RBFOX1: variants seen among roughly 807,000 people sequenced by gnomAD.
RBFOX1 encodes the protein RNA binding fox-1 homolog 1.
A neutral mutation model predicts 57.7 loss-of-function variants in RBFOX1; 8 were observed. The observed-to-expected ratio is 0.14, with a 90% confidence interval of 0.08 to 0.25. The LOEUF is 0.25. Among genes scored for constraint, RBFOX1 ranks in the 10% least tolerant of loss-of-function variants. The pLI, the probability that RBFOX1 is intolerant of heterozygous loss-of-function variation, is 1.00. For missense variants in RBFOX1, 611 were observed against 548.5 expected, an observed-to-expected ratio of 1.11 and a Z score of -1.14; for synonymous variants, 326 against 222.4, an observed-to-expected ratio of 1.47 and a Z score of -4.15.
intron 2 of RBFOX1, among the ~76,000 whole-genome samples, chr16:6,646,515 G>C (rs577192412): frequency 1.3e-5 from 2 of 152,100 alleles, no homozygotes; most frequent in East Asian, 3.9e-4. Context: ...ATCTGCCTTT[G>C]GTTTATTGAT....
intron 3 of RBFOX1, among the ~76,000 whole-genome samples, chr16:5,691,875 T>C (rs2050691027): frequency 6.6e-6 from 1 of 152,114 alleles, no homozygotes; most frequent in Non-Finnish European, 1.5e-5. Context: ...CCCCATCCAG[T>C]TGGGATTCAA....
At chr16:6,934,421 C>G (rs937436708) in intron 3 of RBFOX1, among the ~76,000 whole-genome samples, 1 of 152,094 alleles carries the variant, frequency 6.6e-6, no homozygotes, top group African/African-American at 2.4e-5. Context: ...GGAGACCTGC[C>G]TTTACATGTT....
At chr16:6,967,935 C>T (rs1367145300) in intron 3 of RBFOX1, among the ~76,000 whole-genome samples, 2 of 152,196 alleles carry the variant, frequency 1.3e-5, no homozygotes, top group African/African-American at 2.4e-5. Context: ...TCAGCTGCCC[C>T]GGGTGCCAGA....
At chr16:5,521,646 A>G (rs2044020866) in intron 2 of RBFOX1, among the ~76,000 whole-genome samples, 1 of 144,964 alleles carries the variant, frequency 6.9e-6, no homozygotes. Flanking sequence ...ATGGACAAGA[A>G]ACTTGCCTCT....
intron 3 of RBFOX1, among the ~76,000 whole-genome samples, chr16:6,968,549 A>T (rs1186087946): frequency 6.6e-6 from 1 of 152,116 alleles, no homozygotes; most frequent in Non-Finnish European, 1.5e-5. Context: ...TAGAAGAGGA[A>T]GTCTGGCAGG....
intron 1 of RBFOX1, among the ~76,000 whole-genome samples, chr16:5,304,734 C>T (rs1394692904): frequency 6.6e-6 from 1 of 152,138 alleles, no homozygotes; most frequent in Non-Finnish European, 1.5e-5. Flanking sequence ...CTCCATCTAT[C>T]ATAACTGGTC....
In RBFOX1 at chr16:7,129,107, C is replaced by A. The variant is rs115360639; in HGVS notation, c.27+77009C>A. Among the ~76,000 whole-genome samples, 951 of 152,142 alleles carry A rather than the reference C, an allele frequency of 6.3e-3. 8 individuals are homozygous for A. The highest frequency in any genetic ancestry group is 0.022 in the African/African-American group (900 of 41,516). ...GTGCTGGGATTACAGGTGTGAGCCACGGCACGCAGTCATAAAGGTAATTAA... is the reference window on the plus strand; with the variant it reads ...GTGCTGGGATTACAGGTGTGAGCCAAGGCACGCAGTCATAAAGGTAATTAA... On this transcript the variant is annotated intron_variant, in intron 4 of 15. Coordinates refer to ENST00000550418, the MANE Select transcript of RBFOX1 (RefSeq NM_018723.4).
intron 2 of RBFOX1, among the ~76,000 whole-genome samples, chr16:6,431,903 TTCTTTCTTTC>T (rs2094104979): frequency 1.2e-5 from 1 of 82,186 alleles, no homozygotes. Context: ...CTTGCTTTCT[TTCTTTCTTTC>T]TTTCTTTCTT....
intron 3 of RBFOX1, among the ~76,000 whole-genome samples, chr16:6,876,690 C>A (rs888146056): frequency 6.6e-6 from 1 of 151,956 alleles, no homozygotes; most frequent in African/African-American, 2.4e-5. Context: ...TGGCTGGAAC[C>A]AAAGAAGTTG....
chr16:6,419,822 C>T (rs144559691), intron 2 of RBFOX1, among the ~76,000 whole-genome samples: 118 of 152,222 alleles, frequency 7.8e-4, no homozygotes, highest in African/African-American at 2.8e-3. Flanking sequence ...ACAAGCTGTG[C>T]GGGGTATAGG....
chr16:7,561,546 G>A (rs968458177), intron 5 of RBFOX1, among the ~76,000 whole-genome samples: 12 of 152,180 alleles, frequency 7.9e-5, no homozygotes, highest in African/African-American at 2.7e-4. Flanking sequence ...TATGTGACAG[G>A]ATTCTTTCAC....
chr16:7,578,882 T>C (rs2093536474), intron 5 of RBFOX1, among the ~76,000 whole-genome samples: 1 of 152,196 alleles, frequency 6.6e-6, no homozygotes, highest in African/African-American at 2.4e-5. Context: ...TTCCCCTCGT[T>C]CCTGCCAAAT....
At chr16:5,269,062 C>G (rs1481217586) in intron 1 of RBFOX1, among the ~76,000 whole-genome samples, 1 of 152,196 alleles carries the variant, frequency 6.6e-6, no homozygotes, top group Non-Finnish European at 1.5e-5. Context: ...TTATAGGCAC[C>G]TGCCACCATG....
chr16:6,917,205 A>G (rs557800437), intron 3 of RBFOX1, among the ~76,000 whole-genome samples: 3 of 152,164 alleles, frequency 2.0e-5, no homozygotes, highest in Non-Finnish European at 4.4e-5. Flanking sequence ...ATTTGTATTT[A>G]AAATAGAAAA....
intron 3 of RBFOX1, among the ~76,000 whole-genome samples, chr16:6,666,747 C>G (rs567839168): frequency 5.3e-5 from 8 of 152,102 alleles, no homozygotes; most frequent in African/African-American, 1.7e-4. Flanking sequence ...CGGTGACTTA[C>G]GAGAGTTATT....
At chr16:6,853,120 A>G (rs565269553) in intron 3 of RBFOX1, among the ~76,000 whole-genome samples, 2 of 152,150 alleles carry the variant, frequency 1.3e-5, no homozygotes, top group Admixed American at 6.5e-5. Context: ...CTACCTAATG[A>G]TTGTGCGAAC....
chr16:7,586,714 A>ACC (rs2094145429), intron 6 of RBFOX1, among the ~76,000 whole-genome samples: 1 of 152,198 alleles, frequency 6.6e-6, no homozygotes, highest in Non-Finnish European at 1.5e-5. Context: ...ACTGATCACA[A>ACC]CTGCTGATAC....
intron 3 of RBFOX1, among the ~76,000 whole-genome samples, chr16:7,045,021 G>T (rs943334408): frequency 6.6e-6 from 1 of 152,180 alleles, no homozygotes; most frequent in Non-Finnish European, 1.5e-5. Context: ...CTCATGATGG[G>T]ATTCTGCCGT....
At position 6,070,058 on chromosome 16, in the gene RBFOX1, A is replaced by G. The variant is rs1328540412; in HGVS notation, c.-127+50066A>G. On this transcript the variant is annotated intron_variant, in intron 1 of 15. Coordinates refer to ENST00000550418, the MANE Select transcript of RBFOX1 (RefSeq NM_018723.4). ...GAGTAAAATCTACTTTCATAATTCA[A>G]ATTCCATAGAATGGTTTTGTTTTTC... 3.3e-5 allele frequency among the ~76,000 whole-genome samples: 5 copies of G among 152,286 alleles called. No homozygotes were observed. The East Asian group carries it at 9.7e-4, about 29-fold the overall frequency.
Sources: gnomAD v4.1 joint callset for allele counts (sites outside exome capture counted in the v4.1 genomes callset) on GRCh38, gnomAD v4.1.1 for gene constraint, MANE v1.5 for transcripts, NCBI Gene and HGNC (gene_info 2026-07-23, HGNC 2026-07-21) for gene names.